Variants in DIAPH3 observed in about 807,000 individuals in gnomAD.
DIAPH3 encodes diaphanous related formin 3.
DIAPH3 carries 117 observed loss-of-function variants against 144.3 expected under a neutral mutation model. The observed-to-expected ratio is 0.81, with a 90% CI of 0.70 to 0.95. The LOEUF is 0.95. DIAPH3 is among the 40% of genes least tolerant of loss of function. The pLI is 0.00. For missense variants in DIAPH3, 1,421 were observed against 1,412.7 expected, an observed-to-expected ratio of 1.01 and a Z score of -0.09; for synonymous variants, 519 against 488.9, an observed-to-expected ratio of 1.06 and a Z score of -0.81.
chr13:59,957,456 T>G (rs1353106225), intron 17 of DIAPH3, among the ~76,000 whole-genome samples: 1 of 152,168 alleles, frequency 6.6e-6, no homozygotes, highest in Non-Finnish European at 1.5e-5. Flanking sequence ...CCTTTGCCTG[T>G]GCCATGATTG....
intron 25 of DIAPH3, among the ~76,000 whole-genome samples, chr13:59,794,760 C>T (rs943824792): frequency 1.3e-5 from 2 of 152,180 alleles, no homozygotes; most frequent in Non-Finnish European, 2.9e-5. Flanking sequence ...CCTCCCACCT[C>T]AGCCTCCCAA....
chr13:59,970,254 TCC>T, intron 16 of DIAPH3, among the ~76,000 whole-genome samples, 196 bp from the exon 17 acceptor site: 1 of 152,326 alleles, frequency 6.6e-6, no homozygotes, highest in Admixed American at 6.5e-5. Flanking sequence ...AGAAAAGGCT[TCC>T]ATGATCCAAT....
Position 60,163,621 on chromosome 13 carries a change from C to T in DIAPH3, c.146G>A (p.Gly49Asp), listed in dbSNP as rs200345616. ...GCGCTTCTCCCCAGGCTCCTCGGGGCCACTGGGCGGCGGAGGGTGTTGGGG... is the reference window on the plus strand; with the variant it reads ...GCGCTTCTCCCCAGGCTCCTCGGGGTCACTGGGCGGCGGAGGGTGTTGGGG... ...KGPQHPPPPSGPEEPGEKRPK... is the reference protein window; with the variant it reads ...KGPQHPPPPSDPEEPGEKRPK... The change falls in exon 1 of 28, where the codon GGC (glycine) becomes GAC (aspartate). Residue 49 changes from glycine to aspartate, a missense_variant. Transcript: ENST00000400324. The T allele has an allele frequency of 6.6e-4, 1,061 of 1,604,644 alleles. 6 individuals carry two copies. The highest frequency in any genetic ancestry group is 1.8e-4 in the Non-Finnish European group (211 of 1,173,386).
chr13:59,967,726 A>G (rs2050140506), intron 17 of DIAPH3, among the ~76,000 whole-genome samples: 1 of 152,074 alleles, frequency 6.6e-6, no homozygotes, highest in Non-Finnish European at 1.5e-5. Context: ...GCCAAAAAGC[A>G]CTCTTAGGAC....
intron 17 of DIAPH3, among the ~76,000 whole-genome samples, chr13:59,954,208 TGACA>T (rs1166242821): frequency 5.9e-5 from 9 of 152,208 alleles, no homozygotes; most frequent in African/African-American, 2.2e-4. Flanking sequence ...AATGCAACCT[TGACA>T]GACAGAGTTT....
At chr13:60,003,963 G>A (rs1486520434) in intron 9 of DIAPH3, among the ~76,000 whole-genome samples, 2 of 151,886 alleles carry the variant, frequency 1.3e-5, no homozygotes, top group Non-Finnish European at 1.5e-5. Context: ...TATCAAATGG[G>A]GGAAGTGTGC....
At chr13:60,018,173 T>C (rs1334708185) in intron 5 of DIAPH3, among the ~76,000 whole-genome samples, 1 of 152,196 alleles carries the variant, frequency 6.6e-6, no homozygotes, top group African/African-American at 2.4e-5. Context: ...ACAATATCCA[T>C]ATTCAAAAGT....
intron 27 of DIAPH3, among the ~76,000 whole-genome samples, chr13:59,719,413 T>C (rs1331265423): frequency 6.6e-6 from 1 of 152,186 alleles, no homozygotes; most frequent in African/African-American, 2.4e-5. Flanking sequence ...TGGATTAATT[T>C]GAAAGCTATG....
At position 60,112,004 on chromosome 13, in the gene DIAPH3, T is replaced by A. The variant is rs762576447; in HGVS notation, c.390+6A>T. Reference sequence around the variant, plus strand: ...CAAACATTTCCTAAAGAATCAAAATTCTTACCATCATTTTTTCAAAAAGTT... The same window carrying A: ...CAAACATTTCCTAAAGAATCAAAATACTTACCATCATTTTTTCAAAAAGTT... On this transcript the variant is annotated splice_donor_region_variant and intron_variant, in intron 3 of 27. Coordinates refer to ENST00000400324, the MANE Select transcript of DIAPH3 (RefSeq NM_001042517.2). 1.9e-6 allele frequency: 3 copies of A among 1,613,806 alleles called. No individual in the cohort carries two copies. The highest frequency in any genetic ancestry group is 2.5e-6 in the Non-Finnish European group (3 of 1,179,806).
chr13:60,070,712 A>G (rs926849285), intron 4 of DIAPH3, among the ~76,000 whole-genome samples: 2 of 152,152 alleles, frequency 1.3e-5, no homozygotes, highest in Non-Finnish European at 2.9e-5. Flanking sequence ...AAGAAATCTG[A>G]CTAACACTGC....
At chr13:59,714,472 C>G (rs1344183562) in intron 27 of DIAPH3, among the ~76,000 whole-genome samples, 1 of 152,014 alleles carries the variant, frequency 6.6e-6, no homozygotes, top group African/African-American at 2.4e-5. Flanking sequence ...GAGTTTGAGG[C>G]TGCAATGGGC....
At chr13:59,835,974 C>CA (rs1383722648) in intron 23 of DIAPH3, among the ~76,000 whole-genome samples, 4 of 151,176 alleles carry the variant, frequency 2.6e-5, no homozygotes, top group South Asian at 2.1e-4. Context: ...GAATAACACA[C>CA]AAAAAAAGTG....
intron 4 of DIAPH3, among the ~76,000 whole-genome samples, chr13:60,053,967 T>C (rs548723651): frequency 3.9e-5 from 6 of 152,186 alleles, no homozygotes; most frequent in African/African-American, 1.4e-4. Context: ...ATCTAACATA[T>C]GGTAGTTGCT....
chr13:60,013,215 C>T (rs960806962), intron 7 of DIAPH3: 28 of 985,204 alleles, frequency 2.8e-5, no homozygotes, highest in Non-Finnish European at 3.3e-5. Context: ...GTTCCGCCTG[C>T]ATTCCACATG....
chr13:59,793,903 T>A lies in DIAPH3; in HGVS notation c.3163+16885A>T, dbSNP rs142451563. On this transcript the variant is annotated intron_variant, in intron 25 of 27. Coordinates refer to ENST00000400324, the MANE Select transcript of DIAPH3 (RefSeq NM_001042517.2). The stretch of plus-strand genomic sequence containing the variant: ...GCCCCTTCCTACTCACTAGACATGG[T>A]AACCTGGATGTCCTAGAGATACCTC... Among the ~76,000 whole-genome samples the A allele has an allele frequency of 3.0e-3, 456 of 152,278 alleles. 2 individuals carry two copies. The highest frequency in any genetic ancestry group is 9.6e-3 in the African/African-American group (401 of 41,562).
chr13:60,085,306 A>C (rs2057709838), intron 4 of DIAPH3, among the ~76,000 whole-genome samples: 1 of 152,126 alleles, frequency 6.6e-6, no homozygotes, highest in African/African-American at 2.4e-5. Context: ...CTATCCTTGA[A>C]GCCACCATGA....
chr13:59,737,388 T>C (rs2036208937), intron 27 of DIAPH3, among the ~76,000 whole-genome samples: 1 of 152,194 alleles, frequency 6.6e-6, no homozygotes, highest in African/African-American at 2.4e-5. Flanking sequence ...GCATACTCAT[T>C]ATCATTTATT....
intron 27 of DIAPH3, among the ~76,000 whole-genome samples, chr13:59,700,653 C>T (rs1317577505): frequency 6.6e-6 from 1 of 152,124 alleles, no homozygotes; most frequent in Non-Finnish European, 1.5e-5. Flanking sequence ...CATGATCTTC[C>T]AGAGGATAAA....
chr13:59,739,086 T>C (rs1422393169), intron 27 of DIAPH3, among the ~76,000 whole-genome samples: 1 of 152,200 alleles, frequency 6.6e-6, no homozygotes, highest in Non-Finnish European at 1.5e-5. Flanking sequence ...CCTGATCATG[T>C]TTCTTAAGAA....
Sources: gnomAD v4.1 joint callset for allele counts (sites outside exome capture counted in the v4.1 genomes callset) on GRCh38, gnomAD v4.1.1 for gene constraint, MANE v1.5 for transcripts, NCBI Gene and HGNC (gene_info 2026-07-23, HGNC 2026-07-21) for gene names.